The following ATR variants were observed in gnomAD, a reference collection of about 807,000 sequenced individuals.
The protein encoded by ATR is serine/threonine-protein kinase ATR.
Under a neutral mutation model 305.3 loss-of-function variants are expected in ATR, and 142 were observed. The ratio of observed to expected loss-of-function variants is 0.47; its 90% CI spans 0.41 to 0.53. The LOEUF is 0.53. Among genes scored for constraint, ATR ranks in the 20% least tolerant of loss-of-function variants. The probability of loss-of-function intolerance (pLI) is 0.00; values close to 1 mark genes in which losing one functional copy is unlikely to be tolerated. For synonymous variants in ATR, 1,050 were observed against 1,068.1 expected (o/e 0.98, Z 0.33); for missense variants, 2,135 against 3,133.1 (o/e 0.68, Z 7.60).
At chr3:142,510,270 T>C (rs2032486008) in intron 27 of ATR, among the ~76,000 whole-genome samples, 1 of 151,978 alleles carries the variant, frequency 6.6e-6, no homozygotes, top group Admixed American at 6.6e-5. Context: ...TCGAGGCAGA[T>C]GGACTGCTTG....
rs534459160 is a variant in ATR, at chr3:142,479,493, C to T, written c.6221+5647G>A. 6.6e-5 allele frequency among the ~76,000 whole-genome samples: 10 copies of T among 152,238 alleles called. No homozygotes were observed. In the South Asian group the frequency reaches 1.7e-3, roughly 25 times the overall value. ...GATGGGGTTCCCTTTGTGGGTAACC[C>T]GACCTTTCTCTCTGGCTGCCCTTAA... On this transcript the variant is annotated intron_variant, in intron 36 of 46. Coordinates refer to ENST00000350721, the MANE Select transcript of ATR (RefSeq NM_001184.4).
At chr3:142,516,491 C>T (rs1172584944) in intron 24 of ATR, among the ~76,000 whole-genome samples, 1 of 152,154 alleles carries the variant, frequency 6.6e-6, no homozygotes, top group Non-Finnish European at 1.5e-5. Flanking sequence ...TCATTATTGG[C>T]TCTCTTCTGT....
chr3:142,479,184 G>A (rs575481998), intron 36 of ATR, among the ~76,000 whole-genome samples: 3 of 152,202 alleles, frequency 2.0e-5, no homozygotes, highest in East Asian at 1.9e-4. Flanking sequence ...TCCTAGCATC[G>A]ATGGTCTTTA....
chr3:142,554,704 T>C (rs2034601272), intron 10 of ATR, among the ~76,000 whole-genome samples: 1 of 152,080 alleles, frequency 6.6e-6, no homozygotes, highest in South Asian at 2.1e-4. Context: ...GGAGGATCAC[T>C]TGAAGCTAGG....
intron 28 of ATR, among the ~76,000 whole-genome samples, chr3:142,505,771 C>T (rs2032204139): frequency 6.6e-6 from 1 of 152,094 alleles, no homozygotes; most frequent in Non-Finnish European, 1.5e-5. Flanking sequence ...AATCAGTTAG[C>T]ACAAAGACAG....
rs374577277 is a variant in ATR, at chr3:142,539,041, G to A, written c.3582-416C>T. Among the ~76,000 whole-genome samples the A allele has an allele frequency of 1.3e-4, 19 of 151,934 alleles. 1 individual carries two copies. The highest frequency in any genetic ancestry group is 1.2e-3 in the East Asian group (6 of 5,194). The stretch of plus-strand genomic sequence containing the variant: ...AACTTTTAAATTAAATAAAATAGAG[G>A]GAAAAAGCAACCCTTAAAAGTTTTA... On this transcript the variant is annotated intron_variant, in intron 18 of 46. Transcript: ENST00000350721.
chr3:142,469,487 A>C lies in ATR; in HGVS notation c.6402T>G (p.Ala2134=), dbSNP rs1361152504. ...KVITEHTNYL[A]PYQFLTAFSQ... is the part of the protein sequence containing the mutation. ...AAAAAGCAGTCAAAAATTGATATGG[A>C]GCTAAATAGTTTGTATGCTCTGTGA... is the stretch of plus-strand genomic sequence containing the variant. The change falls in exon 38 of 47, where the codon GCT becomes GCG. Residue 2134 remains alanine (A), a synonymous_variant. Transcript: ENST00000350721. 6.2e-7 allele frequency: 1 copy of C among 1,613,660 alleles called. No individual in the cohort carries two copies.
chr3:142,562,389 T>C lies in ATR; in HGVS notation c.1013A>G (p.Lys338Arg). 1 of 1,614,144 alleles carries C rather than the reference T, an allele frequency of 6.2e-7. No individual in the cohort carries two copies. Among genetic ancestry groups the C allele is most frequent in the East Asian group, 2.2e-5 (1 of 44,880 alleles). ...CAAAGCTGCTTTTAGCAAATCAGAC[T>C]TAAGCCGCATGAGCACACCGTCTTC... is the stretch of plus-strand genomic sequence containing the variant. Reference protein sequence around the residue: ...MFEDGVLMRLKSDLLKAALCH... With the variant: ...MFEDGVLMRLRSDLLKAALCH... Residue 338 changes from lysine to arginine, a missense_variant, in exon 4 of 47, where the codon AAG (lysine) becomes AGG (arginine). Transcript: ENST00000350721.
chr3:142,519,888 C>T, intron 23 of ATR, 104 bp from the exon 24 acceptor site: 2 of 872,480 alleles, frequency 2.3e-6, no homozygotes, highest in Non-Finnish European at 3.9e-6. Context: ...AGCCATAACT[C>T]ATTTTATTGC....
At chr3:142,451,720 C>T (rs1200921568) in intron 46 of ATR, 10 of 1,176,858 alleles carry the variant, frequency 8.5e-6, no homozygotes, top group Non-Finnish European at 1.1e-5. Flanking sequence ...GCTGGGACTA[C>T]AGGAGTGTGC....
chr3:142,496,305 T>TACAC (rs1559937555), intron 34 of ATR, 56 bp downstream of exon 34: 1 of 122,964 alleles, frequency 8.1e-6, no homozygotes, highest in African/African-American at 5.4e-5. Flanking sequence ...TATATATATA[T>TACAC]ATATATATAT....
chr3:142,571,499 AT>A (rs2035258572), intron 1 of ATR, among the ~76,000 whole-genome samples: 1 of 145,354 alleles, frequency 6.9e-6, no homozygotes, highest in Non-Finnish European at 1.5e-5. Context: ...AAATAAATAA[AT>A]AAATAAATAA....
chr3:142,576,563 C>G (rs1244646822), intron 1 of ATR, among the ~76,000 whole-genome samples: 1 of 152,156 alleles, frequency 6.6e-6, no homozygotes, highest in Non-Finnish European at 1.5e-5. Context: ...GATATCTCTA[C>G]TTCAATGAAT....
chr3:142,531,023 A>G (rs2033618725), intron 21 of ATR, among the ~76,000 whole-genome samples: 1 of 152,138 alleles, frequency 6.6e-6, no homozygotes, highest in Non-Finnish European at 1.5e-5. Flanking sequence ...TCAACACCAT[A>G]CAAGGTTAAG....
chr3:142,488,391 C>A (rs2031081127), intron 35 of ATR, among the ~76,000 whole-genome samples: 1 of 152,146 alleles, frequency 6.6e-6, no homozygotes, highest in Non-Finnish European at 1.5e-5. Flanking sequence ...CCAATTACCT[C>A]TTTTGATTGG....
At position 142,553,729 on chromosome 3, in the gene ATR, T is replaced by C. The variant is rs375409267; in HGVS notation, c.2544A>G (p.Leu848=). The change falls in exon 12 of 47, where the codon TTA becomes TTG. Residue 848 remains leucine, a synonymous_variant. Coordinates refer to ENST00000350721, the MANE Select transcript of ATR (RefSeq NM_001184.4). ...CATGTGTATATGCTTCCTTCATTCT[T>C]AAGACAAAAAGCTAGAACAATAAAA... ...EDGFIKELFV[L]RMKEAYTHAQ... The C allele has an allele frequency of 6.2e-6, 10 of 1,612,438 alleles. No homozygotes were observed. Among genetic ancestry groups the C allele is most frequent in the Middle Eastern group, 1.6e-4 (1 of 6,080 alleles).
chr3:142,503,286 A>G, intron 30 of ATR, 76 bp downstream of exon 30: 1 of 1,023,958 alleles, frequency 9.8e-7, no homozygotes, highest in Non-Finnish European at 1.5e-6. Flanking sequence ...ACTAAACATT[A>G]AATTACCCAA....
intron 21 of ATR, among the ~76,000 whole-genome samples, chr3:142,528,744 T>C (rs2108408790): frequency 6.7e-6 from 1 of 150,032 alleles, no homozygotes; most frequent in South Asian, 2.1e-4. Context: ...GGATTATAAT[T>C]ATAATACAGT....
At chr3:142,499,138 C>T (rs1177221501) in intron 31 of ATR, 1 of 382,620 alleles carries the variant, frequency 2.6e-6, no homozygotes. Context: ...ACCTTGGCCT[C>T]CCAAAACACT....
Sources: allele counts gnomAD v4.1 joint callset (sites outside exome capture counted in the v4.1 genomes callset), GRCh38; gene constraint gnomAD v4.1.1; transcripts MANE v1.5; gene names NCBI Gene and HGNC (gene_info 2026-07-23, HGNC 2026-07-21).